MMS19: variants seen among roughly 807,000 people sequenced by gnomAD.
The protein encoded by MMS19 is MMS19 cytosolic iron-sulfur assembly component.
A neutral mutation model predicts 129.8 loss-of-function variants in MMS19; 77 were observed. The ratio of observed to expected loss-of-function variants is 0.59; its 90% CI spans 0.49 to 0.72. The LOEUF (loss-of-function observed/expected upper bound fraction) is 0.72. Among genes scored for constraint, MMS19 ranks in the 30% least tolerant of loss-of-function variants. The probability of loss-of-function intolerance (pLI) is 0.00; values close to 1 mark genes in which losing one functional copy is unlikely to be tolerated. For synonymous variants in MMS19, 491 were observed against 502.8 expected (o/e 0.98, Z 0.31); for missense variants, 1,168 against 1,266.3 (o/e 0.92, Z 1.18).
At chr10:97,477,766 C>T (rs954436956) in intron 5 of MMS19, 89 bp downstream of exon 5, 7 of 892,072 alleles carry the variant, frequency 7.8e-6, no homozygotes, top group East Asian at 2.7e-5. Flanking sequence ...GAATTCAGAA[C>T]TTAGAAGGCA....
rs1281649208 is a variant in MMS19, at chr10:97,492,474, C to CA, written c.112+5798dup. Among the ~76,000 whole-genome samples the CA allele has an allele frequency of 2.1e-3, 235 of 113,606 alleles. 2 individuals are homozygous for CA. Among genetic ancestry groups the CA allele is most frequent in the African/African-American group, 6.5e-3 (198 of 30,240 alleles). 74.5% of individuals were successfully genotyped at this position (113,606 alleles called of 152,430 possible). A position where few individuals can be genotyped will look rare whatever the true frequency, so the allele number is the denominator to read the frequency against. On this transcript the variant is annotated intron_variant, in intron 1 of 30. Coordinates refer to ENST00000438925, the MANE Select transcript of MMS19 (RefSeq NM_022362.5). ...TGGGCGACTGAGTGAGACTCTGTCTCAAAAAAAAAAGAAAAGAAAAGAAAG... is the reference window on the plus strand; with the variant it reads ...TGGGCGACTGAGTGAGACTCTGTCTCAAAAAAAAAAAGAAAAGAAAAGAAAG...
chr10:97,488,831 C>T (rs1357577045), intron 1 of MMS19, among the ~76,000 whole-genome samples: 2 of 152,180 alleles, frequency 1.3e-5, no homozygotes, highest in Non-Finnish European at 2.9e-5. Flanking sequence ...TTATTCAATA[C>T]AGCATTATTC....
intron 1 of MMS19, among the ~76,000 whole-genome samples, chr10:97,497,581 T>C (rs1181467543): frequency 6.6e-6 from 1 of 152,118 alleles, no homozygotes; most frequent in Non-Finnish European, 1.5e-5. Flanking sequence ...TGGAAATCGT[T>C]TTATTCTAAT....
At position 97,462,587 on chromosome 10, in the gene MMS19, G is replaced by A; in HGVS notation, c.2008C>T (p.Pro670Ser). Residue 670 changes from proline (P) to serine (S), a missense_variant, in exon 20 of 31, where the codon CCT (proline) becomes TCT (serine). Physicochemically the swap from Pro to Ser is moderately conservative, Grantham distance 74 (BLOSUM62 -1). Around this residue, in one of 3 missense-constraint regions of MMS19, gnomAD observed 831 missense variants for 910.8 expected, o/e 0.91. Transcript: ENST00000438925. ...VIGTATTHLS[P>S]ELAAQSVTHI... The stretch of plus-strand genomic sequence containing the variant: ...CACATCCATGATTATACTTACTCAG[G>A]GCTCAGGTGGGTTGTAGCAGTGCCA... 5.6e-6 allele frequency: 9 copies of A among 1,612,394 alleles called. No individual in the cohort carries two copies. Among genetic ancestry groups the A allele is most frequent in the Non-Finnish European group, 7.6e-6 (9 of 1,178,540 alleles).
chr10:97,470,771 C>T lies in MMS19; in HGVS notation c.771+4G>A, dbSNP rs1356860885. 6.2e-7 allele frequency: 1 copy of T among 1,606,792 alleles called. No individual in the cohort carries two copies. The highest frequency in any genetic ancestry group is 8.5e-7 in the Non-Finnish European group (1 of 1,173,664). ...CTATATACCCTAACCTTGGCTAGAC[C>T]CACCTCAGCAAATCGTGGTGTAGAA... On this transcript the variant is annotated splice_donor_region_variant and intron_variant, in intron 9 of 30. Transcript: ENST00000438925.
rs1391122598 is a variant in MMS19 at position 97,460,757 on chromosome 10, A to T, written c.2413-6T>A. ...AGCACTAGGGCCTTTGTTACCTGTA[A>T]TTGGAGACAGAGAGAGCAATTGGGG... On this transcript the variant is annotated splice_polypyrimidine_tract_variant and splice_region_variant and intron_variant, in intron 24 of 30. Transcript: ENST00000438925. The T allele has an allele frequency of 1.3e-6, 2 of 1,594,520 alleles. No homozygotes were observed. The highest frequency in any genetic ancestry group is 1.7e-6 in the Non-Finnish European group (2 of 1,169,772).
At chr10:97,471,007 T>C (rs1202729794) in intron 8 of MMS19, 146 bp from the exon 9 acceptor site, 13 of 518,450 alleles carry the variant, frequency 2.5e-5, no homozygotes, top group Non-Finnish European at 4.0e-5. Context: ...GCAAGAAGAC[T>C]TGCTTGATCT....
At position 97,470,410 on chromosome 10, in the gene MMS19, A is replaced by G. The variant is rs994210225; in HGVS notation, c.772-207T>C. Among the ~76,000 whole-genome samples the G allele has an allele frequency of 3.3e-5, 5 of 152,254 alleles. No individual in the cohort carries two copies. In the East Asian group the frequency reaches 9.6e-4, roughly 29 times the overall value. ...CAAAAACAGGCAAGTTGACAAAGTTACAGGATTTTAAAAGACAGCACCATA... is the reference window on the plus strand; with the variant it reads ...CAAAAACAGGCAAGTTGACAAAGTTGCAGGATTTTAAAAGACAGCACCATA... On this transcript the variant is annotated intron_variant, in intron 9 of 30. Transcript: ENST00000438925.
chr10:97,480,026 C>T (rs1296987268), intron 3 of MMS19, among the ~76,000 whole-genome samples: 3 of 152,130 alleles, frequency 2.0e-5, no homozygotes, highest in Non-Finnish European at 2.9e-5. Context: ...ATTCCCATGG[C>T]GTTCCTGCCC....
chr10:97,460,454 C>T (rs925752003), intron 25 of MMS19: 1 of 618,264 alleles, frequency 1.6e-6, no homozygotes, highest in African/African-American at 1.8e-5. Context: ...CCCTGTAGTC[C>T]CAGCTACTTG....
chr10:97,484,490 A>G (rs1051482867), intron 1 of MMS19, among the ~76,000 whole-genome samples: 3 of 152,236 alleles, frequency 2.0e-5, no homozygotes, highest in Admixed American at 6.5e-5. Flanking sequence ...ATATATACAT[A>G]TACACAATAG....
At chr10:97,489,789 G>A (rs1427256036) in intron 1 of MMS19, among the ~76,000 whole-genome samples, 1 of 152,146 alleles carries the variant, frequency 6.6e-6, no homozygotes, top group Non-Finnish European at 1.5e-5. Flanking sequence ...ATTTGCATTT[G>A]TTTGATGTTT....
At chr10:97,497,365 TTA>T (rs2039991602) in intron 1 of MMS19, among the ~76,000 whole-genome samples, 1 of 152,206 alleles carries the variant, frequency 6.6e-6, no homozygotes, top group African/African-American at 2.4e-5. Flanking sequence ...ATTCTAAAGG[TTA>T]ATACGCTCAA....
At chr10:97,480,110 T>G in intron 3 of MMS19, 2 of 359,594 alleles carry the variant, frequency 5.6e-6, no homozygotes, top group South Asian at 2.1e-5. Context: ...TGCCCTGCAT[T>G]TGCATATTAA....
chr10:97,460,320 G>A, intron 25 of MMS19, 88 bp from the exon 26 acceptor site: 2 of 1,279,210 alleles, frequency 1.6e-6, no homozygotes, highest in Non-Finnish European at 2.2e-6. Context: ...GGTGGCTCAT[G>A]CCTGTAATCC....
At position 97,460,940 on chromosome 10, in the gene MMS19, G is replaced by C; in HGVS notation, c.2379C>G (p.Pro793=). 1.3e-6 allele frequency: 2 copies of C among 1,582,952 alleles called. No homozygotes were observed. Among genetic ancestry groups the C allele is most frequent in the Admixed American group, 1.8e-5 (1 of 55,264 alleles). The change falls in exon 24 of 31, where the codon CCC becomes CCG. Residue 793 remains proline, a synonymous_variant. Coordinates refer to ENST00000438925, the MANE Select transcript of MMS19 (RefSeq NM_022362.5). ...GAAGAGTGAAGGCCTGACTACGACA[G>C]GGCCCAGAGCCCAGGCCAGCCTCCA... ...DKVEAGLGSG[P]CRSQAFTLLL...
At chr10:97,498,506 C>A, upstream of MMS19, 1 of 1,432,792 alleles carries the variant, frequency 7.0e-7, no homozygotes. Flanking sequence ...GGGTCACGTG[C>A]CTGCCGGCTT....
rs2031568789 is a variant in MMS19 at position 97,460,679 on chromosome 10, T to C, written c.2469+16A>G. The C allele has an allele frequency of 6.3e-7, 1 of 1,579,960 alleles. No homozygotes were observed. Among genetic ancestry groups the C allele is most frequent in the African/African-American group, 1.3e-5 (1 of 74,232 alleles). On this transcript the variant is annotated intron_variant, in intron 25 of 30. Coordinates refer to ENST00000438925, the MANE Select transcript of MMS19 (RefSeq NM_022362.5). ...TGTTTAGGTCCTGGGTTCTTCTGTC[T>C]CCAGAAAGGACGTACCCGGGCTGTA...
Position 97,459,912 on chromosome 10 carries a change from CTAGAAGTT to C in MMS19, c.2656+126_2656+133del. 3 of 1,072,172 alleles carry C rather than the reference CTAGAAGTT, an allele frequency of 2.8e-6. No homozygotes were observed. The Admixed American group carries it at 7.4e-5, about 26-fold the overall frequency. The allele number at this position is 1,072,172 out of a possible 1,614,324, so 66.4% of individuals were successfully genotyped here. A position where few individuals can be genotyped will look rare whatever the true frequency, so the allele number is the denominator to read the frequency against. ...TGAAAGGAAGAAGTGGGACAAGAAT[CTAGAAGTT>C]TAGTCTTCTAGGCACAGACCACAAT... On this transcript the variant is annotated intron_variant, in intron 26 of 30. Transcript: ENST00000438925.
Sources: allele counts gnomAD v4.1 joint callset (sites outside exome capture counted in the v4.1 genomes callset), GRCh38; gene constraint gnomAD v4.1.1; regional missense constraint gnomAD v4.1.1; transcripts MANE v1.5; gene names NCBI Gene and HGNC (gene_info 2026-07-23, HGNC 2026-07-21).